The following RPF2 variants were observed in gnomAD, a reference collection of about 807,000 sequenced individuals.
The protein encoded by RPF2 is ribosome production factor 2 homolog.
In RPF2, 21 loss-of-function variants were observed where a neutral mutation model predicts 38.9. That is an observed-to-expected ratio of 0.54 (90% CI 0.38 to 0.78). The LOEUF is 0.78. Ranked by LOEUF, RPF2 falls within the 30% of genes least tolerant of loss-of-function variation. The probability of loss-of-function intolerance (pLI) is 0.00; values close to 1 mark genes in which losing one functional copy is unlikely to be tolerated. For synonymous variants in RPF2, 121 were observed against 126.2 expected (o/e 0.96, Z 0.28); for missense variants, 314 against 358.1 (o/e 0.88, Z 0.99).
At chr6:111,000,182 T>C (rs1771789950) in intron 6 of RPF2, among the ~76,000 whole-genome samples, 1 of 152,194 alleles carries the variant, frequency 6.6e-6, no homozygotes, top group South Asian at 2.1e-4. Context: ...CATGGCTTAC[T>C]TCAGCCTTGA....
At chr6:111,007,047 A>T (rs1172315315) in intron 6 of RPF2, among the ~76,000 whole-genome samples, 2 of 152,100 alleles carry the variant, frequency 1.3e-5, no homozygotes, top group Non-Finnish European at 2.9e-5. Flanking sequence ...GTCTCAAAAA[A>T]AAAAGGTTTT....
intron 8 of RPF2, among the ~76,000 whole-genome samples, chr6:111,017,960 C>T (rs1377607815): frequency 3.3e-5 from 5 of 152,122 alleles, no homozygotes; most frequent in Non-Finnish European, 5.9e-5. Flanking sequence ...TCTGCAATCC[C>T]GGCACCTCTG....
Position 111,003,609 on chromosome 6 carries a change from T to C in RPF2, c.393+3822T>C, listed in dbSNP as rs573654172. Reference sequence around the variant, plus strand: ...GGCCATACGTCAAAGGATGATTATATTCAATGAAGTAAGACTAGCCTGGAC... The same window carrying C: ...GGCCATACGTCAAAGGATGATTATACTCAATGAAGTAAGACTAGCCTGGAC... On this transcript the variant is annotated intron_variant, in intron 6 of 9. Transcript: ENST00000441448. 5.9e-5 allele frequency among the ~76,000 whole-genome samples: 9 copies of C among 152,282 alleles called. No homozygotes were observed. In the South Asian group the frequency reaches 1.9e-3, roughly 32 times the overall value.
rs1772280222 is a variant in RPF2 at position 111,024,067 on chromosome 6, TTTC to T, written c.597-114_597-112del. 6.8e-6 allele frequency: 6 copies of T among 883,054 alleles called. No homozygotes were observed. In the East Asian group the frequency reaches 1.6e-4, roughly 24 times the overall value. The allele number at this position is 883,054 out of a possible 1,614,324, so 54.7% of individuals were successfully genotyped here. On this transcript the variant is annotated intron_variant, in intron 8 of 9. Transcript: ENST00000441448. ...ATAGTATTAAGTATTTAAGTAAGTC[TTTC>T]TAAACATTTTATATCATTTAATGGA...
chr6:110,988,574 T>G (rs1771564579), intron 2 of RPF2, among the ~76,000 whole-genome samples: 1 of 152,162 alleles, frequency 6.6e-6, no homozygotes, highest in Non-Finnish European at 1.5e-5. Flanking sequence ...TAGCTGGGAC[T>G]GCAGGCATGC....
In RPF2 at chr6:110,989,182, A is replaced by C. The variant is rs192733225; in HGVS notation, c.194+117A>C. On this transcript the variant is annotated intron_variant, in intron 3 of 9. Coordinates refer to ENST00000441448, the MANE Select transcript of RPF2 (RefSeq NM_032194.3). Reference sequence around the variant, plus strand: ...TTAAAAAGATATTAAAATTCCTTACAGTTATTAATATTTTAATTTCTTTCT... The same window carrying C: ...TTAAAAAGATATTAAAATTCCTTACCGTTATTAATATTTTAATTTCTTTCT... The C allele has an allele frequency of 2.2e-3, 2,085 of 963,378 alleles. 20 individuals carry two copies. In the African/African-American group the frequency reaches 0.051, roughly 24 times the overall value. 59.7% of individuals were successfully genotyped at this position (963,378 alleles called of 1,614,324 possible).
At chr6:111,002,426 G>T (rs1450994367) in intron 6 of RPF2, among the ~76,000 whole-genome samples, 1 of 152,106 alleles carries the variant, frequency 6.6e-6, no homozygotes, top group African/African-American at 2.4e-5. Flanking sequence ...CTGCAGCCTT[G>T]AATTCCTGGG....
chr6:111,003,881 C>T (rs905801907), intron 6 of RPF2, among the ~76,000 whole-genome samples: 8 of 152,124 alleles, frequency 5.3e-5, no homozygotes, highest in African/African-American at 9.7e-5. Context: ...GGCGTGATCT[C>T]GGCTCACTGC....
chr6:111,010,500 T>C (rs1034302283), intron 7 of RPF2, among the ~76,000 whole-genome samples: 1 of 152,210 alleles, frequency 6.6e-6, no homozygotes, highest in Non-Finnish European at 1.5e-5. Context: ...GATTCAGCTT[T>C]TCCTGCACAG....
Position 111,008,036 on chromosome 6 carries a change from AG to A in RPF2, c.394-1del. 6.8e-7 allele frequency: 1 copy of A among 1,470,200 alleles called. No homozygotes were observed. The allele number at this position is 1,470,200 out of a possible 1,614,324, so 91.1% of individuals were successfully genotyped here. ...ATAATTGCTTTTTTTTTTTTTTTTT[AG>A]AACAGTAAATGTCCTGAGGGAACAA... On this transcript the variant is annotated splice_acceptor_variant, in intron 6 of 9. Coordinates refer to ENST00000441448, the MANE Select transcript of RPF2 (RefSeq NM_032194.3). LOFTEE classifies it high-confidence loss of function.
At chr6:110,985,202 G>A in intron 2 of RPF2, 64 bp downstream of exon 2, 1 of 1,397,004 alleles carries the variant, frequency 7.2e-7, no homozygotes, top group Non-Finnish European at 9.8e-7. Context: ...AGCATGCTAG[G>A]ATGGGCTGTC....
intron 1 of RPF2, among the ~76,000 whole-genome samples, chr6:110,983,299 A>G (rs959976375): frequency 6.6e-6 from 1 of 152,108 alleles, no homozygotes; most frequent in Non-Finnish European, 1.5e-5. Flanking sequence ...TTTTCCCTTC[A>G]TATTTTACAG....
chr6:110,988,548 G>A (rs533117407), intron 2 of RPF2, among the ~76,000 whole-genome samples: 248 of 151,186 alleles, frequency 1.6e-3, no homozygotes, highest in African/African-American at 5.6e-3. Context: ...TGATCCTCCC[G>A]CCTTAGCCTC....
In RPF2 at chr6:111,027,504, T is replaced by C. The variant is rs936353861; in HGVS notation, c.*1922T>C. On this transcript the variant is annotated 3_prime_UTR_variant, in exon 10 of 10. Coordinates refer to ENST00000441448, the MANE Select transcript of RPF2 (RefSeq NM_032194.3). ...CCTTCCCCAAAGCCTCGCTCATCAC[T>C]GGTAGGAGGCAAAGCAGTGGGTCCT... The C allele has an allele frequency of 1.3e-5, 2 of 152,202 alleles. No homozygotes were observed. The highest frequency in any genetic ancestry group is 2.9e-5 in the Non-Finnish European group (2 of 68,054). 9.4% of individuals were successfully genotyped at this position (152,202 alleles called of 1,614,324 possible). A position where few individuals can be genotyped will look rare whatever the true frequency, so the allele number is the denominator to read the frequency against.
At chr6:111,005,177 G>A (rs914063643) in intron 6 of RPF2, among the ~76,000 whole-genome samples, 3 of 152,268 alleles carry the variant, frequency 2.0e-5, no homozygotes, top group East Asian at 3.9e-4. Flanking sequence ...TTAAGGTTCC[G>A]GGTTTGGAAG....
chr6:110,989,068 A>T lies in RPF2; in HGVS notation c.194+3A>T. Reference sequence around the variant, plus strand: ...CCATACGGTGTACTATATAAAAAGTAAGTCATGATTTCTTTTACTGTATTT... The same window carrying T: ...CCATACGGTGTACTATATAAAAAGTTAGTCATGATTTCTTTTACTGTATTT... On this transcript the variant is annotated splice_donor_region_variant and intron_variant, in intron 3 of 9. Coordinates refer to ENST00000441448, the MANE Select transcript of RPF2 (RefSeq NM_032194.3). 1 of 1,554,546 alleles carries T rather than the reference A, an allele frequency of 6.4e-7. No individual in the cohort carries two copies. Among genetic ancestry groups the T allele is most frequent in the Non-Finnish European group, 8.6e-7 (1 of 1,156,298 alleles).
chr6:111,004,847 G>C (rs947574527), intron 6 of RPF2, among the ~76,000 whole-genome samples: 4 of 152,124 alleles, frequency 2.6e-5, no homozygotes, highest in African/African-American at 9.7e-5. Context: ...GGGATTACAG[G>C]TGTGAGCCAC....
rs1771500621 is a variant in RPF2, at chr6:110,985,001, A to G, written c.24-5A>G. The stretch of plus-strand genomic sequence containing the variant: ...AATAGTTATGAATTGTGCTTTTCTG[A>G]ACAGAAAGCCCAAAACGAAAAGAGC... On this transcript the variant is annotated splice_region_variant and splice_polypyrimidine_tract_variant and intron_variant, in intron 1 of 9. Transcript: ENST00000441448. 1 of 1,610,260 alleles carries G rather than the reference A, an allele frequency of 6.2e-7. No individual in the cohort carries two copies. Among genetic ancestry groups the G allele is most frequent in the Non-Finnish European group, 8.5e-7 (1 of 1,179,258 alleles).
intron 3 of RPF2, among the ~76,000 whole-genome samples, chr6:110,990,240 A>G (rs925143749): frequency 6.7e-6 from 1 of 149,070 alleles, no homozygotes; most frequent in African/African-American, 2.5e-5. Flanking sequence ...GCCCGGCCCT[A>G]GTTTTCCTTT....
Sources: allele counts gnomAD v4.1 joint callset (sites outside exome capture counted in the v4.1 genomes callset), GRCh38; gene constraint gnomAD v4.1.1; transcripts MANE v1.5; gene names NCBI Gene and HGNC (gene_info 2026-07-23, HGNC 2026-07-21).